C1QTNF3: variants seen among roughly 807,000 people sequenced by gnomAD.
C1QTNF3 encodes the protein complement C1q tumor necrosis factor-related protein 3.
Under a neutral mutation model 32.6 loss-of-function variants are expected in C1QTNF3, and 26 were observed. The observed-to-expected ratio is 0.80, with a 90% CI of 0.58 to 1.11. C1QTNF3 has a LOEUF of 1.11. Ranked by LOEUF, C1QTNF3 falls within the 50% of genes least tolerant of loss-of-function variation. The probability of loss-of-function intolerance (pLI) is 0.00; values close to 1 mark genes in which losing one functional copy is unlikely to be tolerated. For missense variants in C1QTNF3, 362 were observed against 398.2 expected (o/e 0.91, Z 0.77); for synonymous variants, 155 against 146.0 (o/e 1.06, Z -0.44).
chr5:34,169,344 G>C, the C1QTNF3 span, among the ~76,000 whole-genome samples: 1 of 151,924 alleles, frequency 6.6e-6, no homozygotes, highest in Admixed American at 6.6e-5. Flanking sequence ...CTACTAATCT[G>C]CATGTCCCTG....
chr5:34,162,134 A>G, the C1QTNF3 span, among the ~76,000 whole-genome samples: 2 of 152,218 alleles, frequency 1.3e-5, no homozygotes, highest in East Asian at 1.9e-4. Flanking sequence ...TTTTATACTC[A>G]TAACAGACTC....
the C1QTNF3 span, among the ~76,000 whole-genome samples, chr5:34,128,111 C>A: frequency 2.0e-5 from 3 of 152,212 alleles, no homozygotes; most frequent in African/African-American, 2.4e-5. Context: ...GACGTGAAGA[C>A]CTGTGTCCCA....
the C1QTNF3 span, among the ~76,000 whole-genome samples, chr5:34,178,265 C>G: frequency 1.3e-5 from 2 of 152,162 alleles, no homozygotes; most frequent in South Asian, 2.1e-4. Context: ...TGGGTGACAA[C>G]TGAAACTCCT....
At chr5:34,060,404 T>C in the C1QTNF3 span, among the ~76,000 whole-genome samples, 1 of 152,160 alleles carries the variant, frequency 6.6e-6, no homozygotes, top group Non-Finnish European at 1.5e-5. Flanking sequence ...TAGGCAATTG[T>C]AACACAATGG....
the C1QTNF3 span, among the ~76,000 whole-genome samples, chr5:34,061,394 C>A: frequency 6.6e-6 from 1 of 152,190 alleles, no homozygotes; most frequent in Non-Finnish European, 1.5e-5. Flanking sequence ...CTTCGTCTTG[C>A]AGCTTCACTA....
chr5:34,114,212 C>T, the C1QTNF3 span, among the ~76,000 whole-genome samples: 3 of 152,106 alleles, frequency 2.0e-5, no homozygotes, highest in Non-Finnish European at 2.9e-5. Context: ...TTAATGACTT[C>T]TTTACAGGGG....
intron 3 of C1QTNF3, among the ~76,000 whole-genome samples, chr5:34,032,397 A>G (rs1754634737): frequency 6.6e-6 from 1 of 152,356 alleles, no homozygotes; most frequent in South Asian, 2.1e-4. Flanking sequence ...TTTAAACTTT[A>G]TGCTGAAATG....
chr5:34,131,209 G>A, the C1QTNF3 span, among the ~76,000 whole-genome samples: 1 of 151,788 alleles, frequency 6.6e-6, no homozygotes, highest in East Asian at 1.9e-4. Context: ...TGACATCTTT[G>A]CTGATTTAGT....
At chr5:34,028,684 T>C (rs1754537463) in intron 4 of C1QTNF3, 70 bp downstream of exon 4, 2 of 1,367,022 alleles carry the variant, frequency 1.5e-6, no homozygotes, top group East Asian at 2.5e-5. Context: ...CTCTCTTCTT[T>C]CCTTCCTTCC....
At chr5:34,135,129 G>A in the C1QTNF3 span, among the ~76,000 whole-genome samples, 1 of 152,304 alleles carries the variant, frequency 6.6e-6, no homozygotes, top group South Asian at 2.1e-4. Context: ...TCAGCATGAA[G>A]GGCTATTGAA....
At chr5:34,103,286 TTTTTTA>T in the C1QTNF3 span, among the ~76,000 whole-genome samples, 1 of 152,136 alleles carries the variant, frequency 6.6e-6, no homozygotes, top group South Asian at 2.1e-4. Flanking sequence ...GTGTGTGTTT[TTTTTTA>T]TTTTTATGTT....
At chr5:34,211,548 C>T in the C1QTNF3 span, among the ~76,000 whole-genome samples, 2 of 120,166 alleles carry the variant, frequency 1.7e-5, no homozygotes, top group African/African-American at 3.1e-5. Flanking sequence ...CCCCTCCCCC[C>T]ACCCCATAAC....
the C1QTNF3 span, among the ~76,000 whole-genome samples, chr5:34,241,956 GGAA>G: frequency 3.2e-3 from 317 of 100,626 alleles, 1 homozygote; most frequent in Middle Eastern, 0.019. Flanking sequence ...AGGGAGGGAA[GGAA>G]GGAAGGAAGG....
the C1QTNF3 span, among the ~76,000 whole-genome samples, chr5:34,210,614 C>T: frequency 6.6e-6 from 1 of 151,654 alleles, no homozygotes; most frequent in Non-Finnish European, 1.5e-5. Context: ...GGAGACAGGC[C>T]TACTTATATG....
chr5:34,241,032 T>C, the C1QTNF3 span, among the ~76,000 whole-genome samples: 4 of 151,928 alleles, frequency 2.6e-5, no homozygotes, highest in African/African-American at 4.8e-5. Context: ...TATGATCATC[T>C]CAATGGATGC....
chr5:34,137,510 T>C, the C1QTNF3 span, among the ~76,000 whole-genome samples: 6 of 152,158 alleles, frequency 3.9e-5, no homozygotes, highest in Non-Finnish European at 1.5e-5. Flanking sequence ...AATATCACAG[T>C]ATTTTTTCAA....
At chr5:34,222,680 C>T in the C1QTNF3 span, among the ~76,000 whole-genome samples, 2 of 151,642 alleles carry the variant, frequency 1.3e-5, no homozygotes, top group South Asian at 2.1e-4. Context: ...ATTCTGTTAA[C>T]GTGGAAGAAG....
the C1QTNF3 span, among the ~76,000 whole-genome samples, chr5:34,225,541 C>G: frequency 6.6e-6 from 1 of 152,002 alleles, no homozygotes; most frequent in Non-Finnish European, 1.5e-5. Flanking sequence ...TCTATCTAAT[C>G]TATTGTTCAG....
intron 1 of C1QTNF3, among the ~76,000 whole-genome samples, chr5:34,036,110 C>T (rs1389150235): frequency 2.6e-5 from 4 of 152,210 alleles, no homozygotes; most frequent in Admixed American, 2.6e-4. Context: ...AGCCTTTTCT[C>T]TTTTCCAACT....
Sources: allele counts gnomAD v4.1 joint callset (sites outside exome capture counted in the v4.1 genomes callset), GRCh38; gene constraint gnomAD v4.1.1; transcripts MANE v1.5; gene names NCBI Gene and HGNC (gene_info 2026-07-23, HGNC 2026-07-21).